The following RBFOX1 variants were observed in gnomAD, a reference collection of about 807,000 sequenced individuals.
RBFOX1 encodes RNA binding fox-1 homolog 1.
A neutral mutation model predicts 57.7 loss-of-function variants in RBFOX1; 8 were observed. The ratio of observed to expected loss-of-function variants is 0.14; its 90% confidence interval spans 0.08 to 0.25. The LOEUF is 0.25. Ranked by LOEUF, RBFOX1 falls within the 10% of genes least tolerant of loss-of-function variation. The pLI is 1.00. For missense variants in RBFOX1, 611 were observed against 548.5 expected (o/e 1.11, Z -1.14); for synonymous variants, 326 against 222.4 (o/e 1.47, Z -4.15).
At chr16:7,704,543 C>T (rs190080376) in intron 14 of RBFOX1, among the ~76,000 whole-genome samples, 1 of 152,246 alleles carries the variant, frequency 6.6e-6, no homozygotes, top group Non-Finnish European at 1.5e-5. Context: ...CCATTTCTCT[C>T]TTTACTCCTT....
Position 6,590,595 on chromosome 16 carries a change from G to A in RBFOX1, c.-63-64008G>A, listed in dbSNP as rs142352863. On this transcript the variant is annotated intron_variant, in intron 2 of 15. Coordinates refer to ENST00000550418, the MANE Select transcript of RBFOX1 (RefSeq NM_018723.4). ...TTCTACAGGATTATTTCACAAAGCA[G>A]TTCTCAGCTTAAGAAGCTAAATTGG... 4.7e-4 allele frequency among the ~76,000 whole-genome samples: 71 copies of A among 152,304 alleles called. 1 individual carries two copies. The highest frequency in any genetic ancestry group is 3.2e-3 in the Admixed American group (49 of 15,296).
intron 2 of RBFOX1, among the ~76,000 whole-genome samples, chr16:6,331,029 G>T (rs1241450995): frequency 1.3e-5 from 2 of 152,200 alleles, no homozygotes; most frequent in African/African-American, 4.8e-5. Context: ...AGTGCCTTGG[G>T]CAGCTCTTAA....
At chr16:6,977,056 T>C (rs2087142648) in intron 3 of RBFOX1, among the ~76,000 whole-genome samples, 1 of 139,414 alleles carries the variant, frequency 7.2e-6, no homozygotes, top group Admixed American at 7.5e-5. Context: ...ATATATCATG[T>C]ATGAGATATA....
intron 3 of RBFOX1, chr16:6,748,813 A>G (rs1418355047): frequency 6.6e-6 from 1 of 152,054 alleles, no homozygotes; most frequent in Non-Finnish European, 1.5e-5. Flanking sequence ...TTCATTCTAT[A>G]AGATTTTATT....
intron 4 of RBFOX1, among the ~76,000 whole-genome samples, chr16:7,153,135 G>A (rs2076411459): frequency 6.6e-6 from 1 of 152,074 alleles, no homozygotes; most frequent in Admixed American, 6.6e-5. Flanking sequence ...AATTAAAGCA[G>A]CTGAATATCC....
chr16:7,565,554 C>T (rs1395080686), intron 5 of RBFOX1, among the ~76,000 whole-genome samples: 4 of 152,180 alleles, frequency 2.6e-5, no homozygotes, highest in African/African-American at 9.7e-5. Flanking sequence ...GCATTACTGG[C>T]TAAATCAAGA....
At chr16:6,582,757 C>T (rs538622498) in intron 2 of RBFOX1, among the ~76,000 whole-genome samples, 3 of 150,240 alleles carry the variant, frequency 2.0e-5, no homozygotes, top group East Asian at 3.9e-4. Context: ...CTCTTCTTTC[C>T]TCCCCTTTCT....
chr16:6,992,831 C>CT (rs2091709425), intron 3 of RBFOX1, among the ~76,000 whole-genome samples: 1 of 86,176 alleles, frequency 1.2e-5, no homozygotes, highest in African/African-American at 4.4e-5. Flanking sequence ...TGATTCCTTC[C>CT]TTTTCCAAAA....
chr16:7,587,874 A>T (rs980850382), intron 7 of RBFOX1, among the ~76,000 whole-genome samples: 2 of 152,218 alleles, frequency 1.3e-5, no homozygotes, highest in Non-Finnish European at 2.9e-5. Context: ...GTTTGGGTTC[A>T]GGAGAGGTTC....
At chr16:7,447,229 C>A (rs1057068635) in intron 4 of RBFOX1, among the ~76,000 whole-genome samples, 45 of 151,714 alleles carry the variant, frequency 3.0e-4, no homozygotes, top group African/African-American at 8.2e-4. Flanking sequence ...GTCAGGAGTT[C>A]GAGACCAGCC....
At chr16:6,333,944 A>C (rs2152811570) in intron 2 of RBFOX1, among the ~76,000 whole-genome samples, 1 of 152,334 alleles carries the variant, frequency 6.6e-6, no homozygotes, top group East Asian at 1.9e-4. Context: ...TAGTACCCCG[A>C]GGGCCAAAGA....
At chr16:7,028,413 A>G (rs944212234) in intron 3 of RBFOX1, among the ~76,000 whole-genome samples, 1 of 151,712 alleles carries the variant, frequency 6.6e-6, no homozygotes, top group Non-Finnish European at 1.5e-5. Context: ...CATGGAGGAA[A>G]CCTGTCTCTA....
At chr16:6,312,931 A>C (rs929171030) in intron 1 of RBFOX1, among the ~76,000 whole-genome samples, 1 of 152,148 alleles carries the variant, frequency 6.6e-6, no homozygotes, top group Admixed American at 6.5e-5. Context: ...ACTTTCATCA[A>C]ATAATTTTTC....
chr16:6,254,382 C>T (rs765480775), intron 1 of RBFOX1, among the ~76,000 whole-genome samples: 1 of 152,014 alleles, frequency 6.6e-6, no homozygotes, highest in African/African-American at 2.4e-5. Context: ...GAATTTACGG[C>T]AATGAGATTG....
chr16:5,697,354 C>G, intron 3 of RBFOX1, among the ~76,000 whole-genome samples: 1 of 151,112 alleles, frequency 6.6e-6, no homozygotes. Flanking sequence ...ATACATAAAA[C>G]TCATATAATA....
At chr16:7,092,486 TAATA>T (rs1216381594) in intron 4 of RBFOX1, among the ~76,000 whole-genome samples, 2 of 152,256 alleles carry the variant, frequency 1.3e-5, no homozygotes, top group Admixed American at 1.3e-4. Context: ...ACAGCCTCTT[TAATA>T]CTGTATAGAC....
chr16:7,602,495 C>A (rs935252391), intron 9 of RBFOX1, among the ~76,000 whole-genome samples: 5 of 152,148 alleles, frequency 3.3e-5, no homozygotes, highest in African/African-American at 1.2e-4. Flanking sequence ...ATTTGCAAGG[C>A]CTGGGGACAT....
At chr16:7,379,992 T>G (rs2097759871) in intron 4 of RBFOX1, among the ~76,000 whole-genome samples, 2 of 152,142 alleles carry the variant, frequency 1.3e-5, no homozygotes, top group South Asian at 4.1e-4. Context: ...AAGTTAGGAC[T>G]AAAGGCACAC....
intron 2 of RBFOX1, among the ~76,000 whole-genome samples, chr16:5,575,208 G>T (rs1291391728): frequency 6.6e-6 from 1 of 152,142 alleles, no homozygotes; most frequent in Non-Finnish European, 1.5e-5. Context: ...TGAATAGTTT[G>T]TTTCTTAATT....
Sources: gnomAD v4.1 joint callset for allele counts (sites outside exome capture counted in the v4.1 genomes callset) on GRCh38, gnomAD v4.1.1 for gene constraint, MANE v1.5 for transcripts, NCBI Gene and HGNC (gene_info 2026-07-23, HGNC 2026-07-21) for gene names.